EMCN: variants seen among roughly 807,000 people sequenced by gnomAD.
EMCN encodes endomucin, also known as MUC-14.
Under a neutral mutation model 38.4 loss-of-function variants are expected in EMCN, and 37 were observed. That is an observed-to-expected ratio of 0.96 (90% CI 0.74 to 1.27). The LOEUF (loss-of-function observed/expected upper bound fraction) is 1.27. Ranked by LOEUF, EMCN falls within the 50% of genes most tolerant of loss-of-function variation. The pLI, the probability that EMCN is intolerant of heterozygous loss-of-function variation, is 0.00. For missense variants in EMCN, 318 were observed against 302.8 expected (o/e 1.05, Z -0.37); for synonymous variants, 95 against 100.8 (o/e 0.94, Z 0.35).
intron 11 of EMCN, among the ~76,000 whole-genome samples, chr4:100,399,513 T>A (rs1285778233): frequency 6.6e-6 from 1 of 152,082 alleles, no homozygotes; most frequent in East Asian, 1.9e-4. Flanking sequence ...CAGCTACAGG[T>A]ATCCATGTCA....
At chr4:100,452,306 A>G (rs957707089) in intron 4 of EMCN, among the ~76,000 whole-genome samples, 3 of 152,070 alleles carry the variant, frequency 2.0e-5, no homozygotes, top group African/African-American at 7.2e-5. Context: ...AATGTTATCA[A>G]TTCCTACTAA....
Position 100,421,282 on chromosome 4 carries a change from C to A in EMCN, c.664G>T (p.Gly222Cys). 1 of 1,612,042 alleles carries A rather than the reference C, an allele frequency of 6.2e-7. No homozygotes were observed. The highest frequency in any genetic ancestry group is 8.5e-7 in the Non-Finnish European group (1 of 1,178,598). Residue 222 changes from glycine (G) to cysteine (C), a missense_variant and splice_region_variant, in exon 8 of 12, where the codon GGC becomes TGC. Coordinates refer to ENST00000296420, the MANE Select transcript of EMCN (RefSeq NM_016242.4). ...LYRMCWKADP[G>C]TPENGNDQPQ... ...AACAAAACAAAACACTGTTACCTAC[C>A]CGGATCTGCCTTCCAGCACATTCGG...
intron 1 of EMCN, among the ~76,000 whole-genome samples, chr4:100,490,032 C>T (rs1282875527): frequency 4.6e-5 from 7 of 152,050 alleles, no homozygotes; most frequent in Admixed American, 1.3e-4. Context: ...GAGATGATAG[C>T]TCCATGAATG....
At chr4:100,434,309 C>A (rs1470604344) in intron 5 of EMCN, among the ~76,000 whole-genome samples, 2 of 143,424 alleles carry the variant, frequency 1.4e-5, no homozygotes, top group African/African-American at 2.6e-5. Context: ...AAGACTGAAC[C>A]AGGAAAAAAC....
At chr4:100,447,696 A>T (rs1727717067) in intron 4 of EMCN, 125 bp from the exon 5 acceptor site, 1 of 601,198 alleles carries the variant, frequency 1.7e-6, no homozygotes. Context: ...ACTATTTTCA[A>T]ATCATAAAAT....
At chr4:100,463,286 C>T (rs1346990615) in intron 4 of EMCN, among the ~76,000 whole-genome samples, 2 of 152,094 alleles carry the variant, frequency 1.3e-5, no homozygotes, top group Non-Finnish European at 2.9e-5. Flanking sequence ...AATTTGTTTA[C>T]TCATAATAAC....
At chr4:100,483,106 C>A (rs1022233062) in intron 1 of EMCN, among the ~76,000 whole-genome samples, 3 of 152,098 alleles carry the variant, frequency 2.0e-5, no homozygotes, top group African/African-American at 7.2e-5. Flanking sequence ...CAAGGGCTGA[C>A]AACTCCTAAA....
intron 1 of EMCN, among the ~76,000 whole-genome samples, chr4:100,490,709 G>A (rs1235550695): frequency 6.6e-6 from 1 of 152,202 alleles, no homozygotes; most frequent in Non-Finnish European, 1.5e-5. Context: ...TTGTGTAAGT[G>A]CGCTTTATGA....
At chr4:100,414,814 T>G (rs1207866154) in intron 10 of EMCN, among the ~76,000 whole-genome samples, 1 of 152,248 alleles carries the variant, frequency 6.6e-6, no homozygotes, top group African/African-American at 2.4e-5. Context: ...GAAATATTTA[T>G]AATATAGCTT....
At chr4:100,493,184 A>G (rs1320946648) in intron 1 of EMCN, among the ~76,000 whole-genome samples, 2 of 152,192 alleles carry the variant, frequency 1.3e-5, no homozygotes, top group Non-Finnish European at 2.9e-5. Flanking sequence ...AGTTCAGGAC[A>G]CTAAAATCTT....
chr4:100,411,522 T>C (rs567760539), intron 10 of EMCN, among the ~76,000 whole-genome samples: 1 of 152,044 alleles, frequency 6.6e-6, no homozygotes, highest in South Asian at 2.1e-4. Context: ...TTAATAACAA[T>C]ATGATATCAG....
intron 4 of EMCN, among the ~76,000 whole-genome samples, chr4:100,464,252 C>A (rs357655): frequency 0.82 from 123,909 of 151,654 alleles, 52,010 homozygotes; most frequent in South Asian, 0.96. Flanking sequence ...ATTTTATATC[C>A]TGTGCTACAA....
intron 11 of EMCN, among the ~76,000 whole-genome samples, chr4:100,410,069 G>C (rs529566986): frequency 6.6e-6 from 1 of 152,312 alleles, no homozygotes; most frequent in South Asian, 2.1e-4. Context: ...AGACAGGCAA[G>C]AGAATTGGAC....
At chr4:100,476,348 A>C (rs1361931483) in intron 2 of EMCN, among the ~76,000 whole-genome samples, 1 of 151,008 alleles carries the variant, frequency 6.6e-6, no homozygotes, top group Non-Finnish European at 1.5e-5. Flanking sequence ...CAGTGGTATG[A>C]GCATACCTCA....
chr4:100,432,135 C>T (rs1291561446), intron 5 of EMCN, among the ~76,000 whole-genome samples: 1 of 152,104 alleles, frequency 6.6e-6, no homozygotes, highest in Non-Finnish European at 1.5e-5. Context: ...AACAGCCCTT[C>T]ATCACTTTTC....
At chr4:100,453,229 C>T (rs1727899186) in intron 4 of EMCN, among the ~76,000 whole-genome samples, 2 of 152,050 alleles carry the variant, frequency 1.3e-5, no homozygotes, top group South Asian at 4.1e-4. Context: ...TCAGAGTGAA[C>T]AGGCAACCTA....
chr4:100,490,182 A>G (rs1039030475), intron 1 of EMCN, among the ~76,000 whole-genome samples: 6 of 151,512 alleles, frequency 4.0e-5, no homozygotes, highest in Admixed American at 2.0e-4. Context: ...AGTAAAAAAA[A>G]AAAAAAAGAT....
chr4:100,402,615 C>G (rs970639814), intron 11 of EMCN, among the ~76,000 whole-genome samples: 1 of 152,084 alleles, frequency 6.6e-6, no homozygotes, highest in African/African-American at 2.4e-5. Context: ...CTCTTCAGAA[C>G]ATCATTATAT....
chr4:100,458,384 C>A (rs1250767165), intron 4 of EMCN, among the ~76,000 whole-genome samples: 1 of 151,944 alleles, frequency 6.6e-6, no homozygotes, highest in Non-Finnish European at 1.5e-5. Flanking sequence ...ATTATTGCCT[C>A]CATTATACAA....
Sources: allele counts gnomAD v4.1 joint callset (sites outside exome capture counted in the v4.1 genomes callset), GRCh38; gene constraint gnomAD v4.1.1; transcripts MANE v1.5; gene names NCBI Gene and HGNC (gene_info 2026-07-23, HGNC 2026-07-21).